HS6ST2: variants seen among roughly 807,000 people sequenced by gnomAD.
The protein encoded by HS6ST2 is heparan-sulfate 6-O-sulfotransferase 2.
Under a neutral mutation model 33.0 loss-of-function variants are expected in HS6ST2, and 17 were observed. The observed-to-expected ratio is 0.52, with a 90% CI of 0.35 to 0.77. The LOEUF (loss-of-function observed/expected upper bound fraction) is 0.77, where lower values mean the gene tolerates loss of function less well. Ranked by LOEUF, HS6ST2 falls within the 30% of genes least tolerant of loss-of-function variation. The probability of loss-of-function intolerance (pLI) is 0.01; values close to 1 mark genes in which losing one functional copy is unlikely to be tolerated. For synonymous variants in HS6ST2, 248 were observed against 237.1 expected, an observed-to-expected ratio of 1.05 and a Z score of -0.42; for missense variants, 519 against 551.7, an observed-to-expected ratio of 0.94 and a Z score of 0.59.
intron 2 of HS6ST2, among the ~76,000 whole-genome samples, chrX:132,764,356 A>G (rs1035411312): frequency 4.5e-5 from 5 of 112,223 alleles, no homozygotes; most frequent in African/African-American, 6.5e-5. Context: ...AACAGCAACT[A>G]AAGGCATTTG....
At chrX:132,916,988 TG>T (rs753588745) in intron 2 of HS6ST2, among the ~76,000 whole-genome samples, 1 of 112,240 alleles carries the variant, frequency 8.9e-6, no homozygotes, top group East Asian at 2.8e-4. Flanking sequence ...TGTATTTAAT[TG>T]AAGTTCATAT....
intron 2 of HS6ST2, among the ~76,000 whole-genome samples, chrX:132,939,644 A>G (rs1443908244): frequency 8.9e-6 from 1 of 111,786 alleles, no homozygotes; most frequent in Non-Finnish European, 1.9e-5. Flanking sequence ...AAAAAAAACT[A>G]TCTTTTTATA....
intron 2 of HS6ST2, among the ~76,000 whole-genome samples, chrX:132,724,168 AAAAG>A (rs1168366098): frequency 9.2e-6 from 1 of 109,155 alleles, no homozygotes; most frequent in Non-Finnish European, 1.9e-5. Flanking sequence ...AAAAGAAAAG[AAAAG>A]AAAGAAACAA....
At chrX:132,820,566 A>G (rs968815725) in intron 2 of HS6ST2, among the ~76,000 whole-genome samples, 1 of 111,920 alleles carries the variant, frequency 8.9e-6, no homozygotes, top group Non-Finnish European at 1.9e-5. Context: ...TGAAGACCAA[A>G]CCACAAGACT....
chrX:132,957,034 T>C lies in HS6ST2; in HGVS notation c.721A>G (p.Thr241Ala). Residue 241 changes from threonine (T) to alanine (A), a missense_variant, in exon 2 of 5, where the codon ACT becomes GCT. Coordinates refer to ENST00000370833, the MANE Select transcript of HS6ST2 (RefSeq NM_001394073.1). The stretch of plus-strand genomic sequence containing the variant: ...TTACGCACCAAGTGGCGGCCGAAAG[T>C]GGTGCCCCCGGTCTTCTGGATGTGC... ...FLHIQKTGGT[T>A]FGRHLVRNIQ... 5.0e-6 allele frequency: 6 copies of C among 1,211,743 alleles called. No individual in the cohort carries two copies. Among genetic ancestry groups the C allele is most frequent in the Non-Finnish European group, 6.7e-6 (6 of 895,399 alleles).
At chrX:132,960,413 T>C (rs1474725653), upstream of HS6ST2, among the ~76,000 whole-genome samples, 3 of 111,149 alleles carry the variant, frequency 2.7e-5, no homozygotes, top group African/African-American at 9.8e-5. Context: ...GTAATGGCAT[T>C]CATTGGGTCC....
At position 132,757,582 on chromosome X, in the gene HS6ST2, C is replaced by G. The variant is rs5977747; in HGVS notation, c.948-49088G>C. ...AAAATGGAGAGAAACGAGGGGAGCT[C>G]CAAGTGGGAGCTGGCCCTTTGTGTT... is the stretch of plus-strand genomic sequence containing the variant. On this transcript the variant is annotated intron_variant, in intron 2 of 4. Transcript: ENST00000370833. Among the ~76,000 whole-genome samples the G allele has an allele frequency of 6.9e-3, 735 of 106,836 alleles. 3 individuals are homozygous for G. Among genetic ancestry groups the G allele is most frequent in the Non-Finnish European group, 7.6e-3 (388 of 51,004 alleles). 92.8% of individuals were successfully genotyped at this position (106,836 alleles called of 115,157 possible).
At chrX:132,954,097 T>C (rs1358365284) in intron 2 of HS6ST2, among the ~76,000 whole-genome samples, 2 of 112,262 alleles carry the variant, frequency 1.8e-5, no homozygotes, top group African/African-American at 6.5e-5. Context: ...TCTGGCCTCT[T>C]GCTGAAGATG....
chrX:132,923,477 A>G (rs1001673812), intron 2 of HS6ST2, among the ~76,000 whole-genome samples: 2 of 111,419 alleles, frequency 1.8e-5, no homozygotes, highest in African/African-American at 6.5e-5. Flanking sequence ...TCTTTTCCCA[A>G]CTATGTTTAC....
chrX:132,839,309 T>C (rs2065683794), intron 2 of HS6ST2, among the ~76,000 whole-genome samples: 1 of 26,350 alleles, frequency 3.8e-5, no homozygotes, highest in Admixed American at 2.6e-4. Context: ...TATATATATA[T>C]ATATATACAC....
At chrX:132,904,533 T>TTC (rs768440437) in intron 2 of HS6ST2, among the ~76,000 whole-genome samples, 1 of 94,534 alleles carries the variant, frequency 1.1e-5, no homozygotes, top group African/African-American at 4.0e-5. Flanking sequence ...TTTTTTCTCT[T>TTC]TGTGTGTGTG....
At chrX:132,736,613 T>C (rs896672466) in intron 2 of HS6ST2, among the ~76,000 whole-genome samples, 3 of 111,690 alleles carry the variant, frequency 2.7e-5, no homozygotes, top group African/African-American at 9.8e-5. Context: ...GCAGGGTTCA[T>C]TGTGAATCAC....
intron 2 of HS6ST2, among the ~76,000 whole-genome samples, chrX:132,720,851 A>G (rs1178950575): frequency 9.0e-6 from 1 of 111,320 alleles, no homozygotes; most frequent in African/African-American, 3.3e-5. Context: ...CTATATAATG[A>G]TAAAGGGGTC....
At chrX:132,872,080 T>C (rs778454331) in intron 2 of HS6ST2, among the ~76,000 whole-genome samples, 5 of 111,309 alleles carry the variant, frequency 4.5e-5, no homozygotes, top group Admixed American at 2.9e-4. Context: ...AGTTGGTATG[T>C]GCTAAAGACA....
chrX:132,765,375 A>ATTTAATAAC (rs1412075084), intron 2 of HS6ST2, among the ~76,000 whole-genome samples: 1 of 112,530 alleles, frequency 8.9e-6, no homozygotes, highest in Non-Finnish European at 1.9e-5. Context: ...ACTAATTACC[A>ATTTAATAAC]TTTAATAACC....
At chrX:132,946,245 C>G (rs759536682) in intron 2 of HS6ST2, among the ~76,000 whole-genome samples, 101 of 111,708 alleles carry the variant, frequency 9.0e-4, no homozygotes, top group African/African-American at 3.1e-3. Flanking sequence ...CTAGAAATAC[C>G]GTTTGACCCA....
intron 2 of HS6ST2, among the ~76,000 whole-genome samples, chrX:132,804,998 AT>A (rs1225594100): frequency 1.8e-5 from 2 of 111,163 alleles, no homozygotes; most frequent in African/African-American, 6.5e-5. Context: ...ATATACATGT[AT>A]ATATATAGCT....
intron 2 of HS6ST2, among the ~76,000 whole-genome samples, chrX:132,853,629 C>A (rs2065825841): frequency 9.0e-6 from 1 of 111,242 alleles, no homozygotes; most frequent in African/African-American, 3.3e-5. Context: ...TTACATCAAG[C>A]CCTACATTAT....
intron 2 of HS6ST2, among the ~76,000 whole-genome samples, chrX:132,745,274 CA>C (rs1343271256): frequency 8.9e-6 from 1 of 111,799 alleles, no homozygotes; most frequent in African/African-American, 3.2e-5. Context: ...TTGGTGGAAA[CA>C]GGGTTTCACC....
Sources: gnomAD v4.1 joint callset for allele counts (sites outside exome capture counted in the v4.1 genomes callset) on GRCh38, gnomAD v4.1.1 for gene constraint, MANE v1.5 for transcripts, NCBI Gene and HGNC (gene_info 2026-07-23, HGNC 2026-07-21) for gene names.